The following RNF150 variants were observed in gnomAD, a reference collection of about 807,000 sequenced individuals.
The protein encoded by RNF150 is ring finger protein 150.
In RNF150, 24 loss-of-function variants were observed where a neutral mutation model predicts 39.3. The ratio of observed to expected loss-of-function variants is 0.61; its 90% CI spans 0.44 to 0.86. The LOEUF (loss-of-function observed/expected upper bound fraction) is 0.86, where lower values mean the gene tolerates loss of function less well. Among genes scored for constraint, RNF150 ranks in the 40% least tolerant of loss-of-function variants. The probability of loss-of-function intolerance (pLI) is 0.00; values close to 1 mark genes in which losing one functional copy is unlikely to be tolerated. For missense variants in RNF150, 502 were observed against 587.8 expected (o/e 0.85, Z 1.51); for synonymous variants, 255 against 227.3 (o/e 1.12, Z -1.10).
chr4:141,078,914 C>T (rs927609886), intron 1 of RNF150, among the ~76,000 whole-genome samples: 1 of 143,052 alleles, frequency 7.0e-6, no homozygotes, highest in Non-Finnish European at 1.5e-5. Context: ...TACATATATA[C>T]ACATATATAT....
At chr4:141,146,393 C>T (rs1282421965) in intron 1 of RNF150, among the ~76,000 whole-genome samples, 1 of 152,150 alleles carries the variant, frequency 6.6e-6, no homozygotes, top group African/African-American at 2.4e-5. Context: ...AAGAAACATT[C>T]ACTACGTCAT....
rs1374786248 is a variant in RNF150, at chr4:140,862,612, G to C, written c.*5649C>G. 6.6e-6 allele frequency: 1 copy of C among 152,172 alleles called. No homozygotes were observed. The highest frequency in any genetic ancestry group is 1.5e-5 in the Non-Finnish European group (1 of 68,028). 9.4% of individuals were successfully genotyped at this position (152,172 alleles called of 1,614,324 possible). ...TAAAAATTAATGTTCCTATTACACA[G>C]GGTCTGGGGTTGAGTGAGGACAAAA... On this transcript the variant is annotated 3_prime_UTR_variant, in exon 7 of 7. Coordinates refer to ENST00000515673, the MANE Select transcript of RNF150 (RefSeq NM_020724.2).
At chr4:141,010,918 G>C (rs1397375053) in intron 1 of RNF150, among the ~76,000 whole-genome samples, 2 of 151,900 alleles carry the variant, frequency 1.3e-5, no homozygotes, top group Non-Finnish European at 2.9e-5. Context: ...ACCAGAACAA[G>C]GTTTTCCAAA....
intron 1 of RNF150, among the ~76,000 whole-genome samples, chr4:141,036,687 G>T (rs542546717): frequency 6.6e-6 from 1 of 152,146 alleles, no homozygotes; most frequent in African/African-American, 2.4e-5. Flanking sequence ...AGATTGGTAC[G>T]GTGAATAGAC....
At chr4:140,898,534 A>G (rs1394884984) in intron 6 of RNF150, among the ~76,000 whole-genome samples, 1 of 152,196 alleles carries the variant, frequency 6.6e-6, no homozygotes, top group Non-Finnish European at 1.5e-5. Context: ...GACACATATG[A>G]TATGCATATA....
At chr4:141,014,407 G>C (rs1001354580) in intron 1 of RNF150, among the ~76,000 whole-genome samples, 1 of 152,092 alleles carries the variant, frequency 6.6e-6, no homozygotes, top group African/African-American at 2.4e-5. Flanking sequence ...AGTTTTTTGA[G>C]GAACCTCCAC....
At chr4:141,001,758 T>C (rs969181348) in intron 1 of RNF150, among the ~76,000 whole-genome samples, 5 of 152,102 alleles carry the variant, frequency 3.3e-5, no homozygotes, top group African/African-American at 1.2e-4. Context: ...AGGGATTACA[T>C]ATTATAGAGT....
At chr4:140,884,215 T>G (rs1421590486) in intron 6 of RNF150, among the ~76,000 whole-genome samples, 3 of 152,224 alleles carry the variant, frequency 2.0e-5, no homozygotes, top group Non-Finnish European at 2.9e-5. Context: ...CTATCTGTGC[T>G]CTCCTTTAAT....
chr4:140,883,249 A>G (rs985577911), intron 6 of RNF150, among the ~76,000 whole-genome samples: 3 of 152,020 alleles, frequency 2.0e-5, no homozygotes, highest in South Asian at 2.1e-4. Context: ...AGTTTTTTTC[A>G]CCTTTGTCCT....
intron 1 of RNF150, among the ~76,000 whole-genome samples, chr4:141,193,529 A>G (rs1477461934): frequency 6.6e-6 from 1 of 152,206 alleles, no homozygotes; most frequent in Non-Finnish European, 1.5e-5. Flanking sequence ...TATTCTGGGC[A>G]CTGGGGATAT....
chr4:141,090,698 TC>T (rs1014267199), intron 1 of RNF150, among the ~76,000 whole-genome samples: 1 of 152,140 alleles, frequency 6.6e-6, no homozygotes, highest in African/African-American at 2.4e-5. Flanking sequence ...AGGGAGTAAG[TC>T]AAGAAGACAC....
chr4:140,982,048 A>G (rs1023660942), intron 1 of RNF150, among the ~76,000 whole-genome samples: 2 of 152,138 alleles, frequency 1.3e-5, no homozygotes, highest in African/African-American at 2.4e-5. Flanking sequence ...CGTCATCTTC[A>G]CCATAACTAT....
intron 5 of RNF150, among the ~76,000 whole-genome samples, chr4:140,919,734 T>A (rs1000485782): frequency 7.9e-5 from 12 of 152,082 alleles, no homozygotes; most frequent in Middle Eastern, 3.4e-3. Context: ...GCCAAGCCAA[T>A]CCTAAGCCAA....
At chr4:140,900,216 A>C (rs369957495) in intron 6 of RNF150, among the ~76,000 whole-genome samples, 1 of 152,182 alleles carries the variant, frequency 6.6e-6, no homozygotes, top group African/African-American at 2.4e-5. Flanking sequence ...GCAGTTGTCT[A>C]TGGGTCATTA....
At chr4:141,207,427 G>A (rs1487422326) in intron 1 of RNF150, among the ~76,000 whole-genome samples, 1 of 152,040 alleles carries the variant, frequency 6.6e-6, no homozygotes, top group Admixed American at 6.6e-5. Context: ...TTCCTGGAGG[G>A]GGTCAAATGG....
intron 1 of RNF150, among the ~76,000 whole-genome samples, chr4:141,046,840 A>G (rs888029485): frequency 6.6e-6 from 1 of 152,186 alleles, no homozygotes; most frequent in African/African-American, 2.4e-5. Flanking sequence ...TATAAGGATA[A>G]AATGAGATAT....
intron 1 of RNF150, among the ~76,000 whole-genome samples, chr4:141,183,127 T>C (rs1268222567): frequency 6.6e-6 from 1 of 152,170 alleles, no homozygotes; most frequent in Non-Finnish European, 1.5e-5. Context: ...ATAATTTTCT[T>C]GGCATAAGAC....
Position 140,861,259 on chromosome 4 carries a change from C to G in RNF150, c.*7002G>C, listed in dbSNP as rs1186369396. 6.6e-6 allele frequency: 1 copy of G among 152,092 alleles called. No homozygotes were observed. The highest frequency in any genetic ancestry group is 1.5e-5 in the Non-Finnish European group (1 of 68,024). The allele number at this position is 152,092 out of a possible 1,614,324, so 9.4% of individuals were successfully genotyped here. A position where few individuals can be genotyped will look rare whatever the true frequency, so the allele number is the denominator to read the frequency against. On this transcript the variant is annotated 3_prime_UTR_variant, in exon 7 of 7. Coordinates refer to ENST00000515673, the MANE Select transcript of RNF150 (RefSeq NM_020724.2). ...AGATAACTTACAAAAACAAGCAGTC[C>G]CTTGCTTATAACTGCACAAACATTC...
intron 6 of RNF150, among the ~76,000 whole-genome samples, chr4:140,910,063 T>C (rs1290395101): frequency 6.6e-6 from 1 of 152,244 alleles, no homozygotes; most frequent in East Asian, 1.9e-4. Context: ...TTTTTCATTC[T>C]TTTTTTAGTC....
Sources: allele counts gnomAD v4.1 joint callset (sites outside exome capture counted in the v4.1 genomes callset), GRCh38; gene constraint gnomAD v4.1.1; transcripts MANE v1.5; gene names NCBI Gene and HGNC (gene_info 2026-07-23, HGNC 2026-07-21).